DHX40: variants seen among roughly 807,000 people sequenced by gnomAD.
DHX40 encodes DEAH-box helicase 40, also known as probable ATP-dependent RNA helicase DHX40.
In DHX40, 28 loss-of-function variants were observed where a neutral mutation model predicts 89.6. That is an observed-to-expected ratio of 0.31 (90% CI 0.23 to 0.43). The LOEUF (loss-of-function observed/expected upper bound fraction) is 0.43, where lower values mean the gene tolerates loss of function less well. Ranked by LOEUF, DHX40 falls within the 20% of genes least tolerant of loss-of-function variation. The pLI is 1.00. For synonymous variants in DHX40, 226 were observed against 283.6 expected (o/e 0.80, Z 2.04); for missense variants, 457 against 844.0 (o/e 0.54, Z 5.68).
In DHX40 at chr17:59,596,291, G is replaced by A. The variant is rs1399896000; in HGVS notation, c.1583-2446G>A. Among the ~76,000 whole-genome samples, 3 of 152,284 alleles carry A rather than the reference G, an allele frequency of 2.0e-5. No homozygotes were observed. In the South Asian group the frequency reaches 6.2e-4, roughly 32 times the overall value. On this transcript the variant is annotated intron_variant, in intron 12 of 17. Transcript: ENST00000251241. ...GGTTAAAAATTAGTATCCCTGGCTG[G>A]CGTGTTGGCTCAAGCCTGTAATCCC...
intron 1 of DHX40, 29 bp downstream of exon 1, chr17:59,565,812 A>C (rs1297800488): frequency 9.0e-6 from 14 of 1,563,810 alleles, no homozygotes; most frequent in African/African-American, 2.7e-5. Context: ...TACGGAAGCC[A>C]GCGGGAGTTA....
At chr17:59,593,897 C>G (rs2049115256) in intron 12 of DHX40, among the ~76,000 whole-genome samples, 1 of 149,784 alleles carries the variant, frequency 6.7e-6, no homozygotes, top group Non-Finnish European at 1.5e-5. Flanking sequence ...GTTTCTTGTC[C>G]TTGTCAACTC....
At chr17:59,586,279 C>G (rs745547317) in intron 11 of DHX40, 46 bp downstream of exon 11, 2 of 1,377,534 alleles carry the variant, frequency 1.5e-6, no homozygotes, top group Non-Finnish European at 2.0e-6. Flanking sequence ...ATATTGATCT[C>G]TTTTTAAACA....
At chr17:59,600,254 C>T (rs1339160768) in intron 14 of DHX40, among the ~76,000 whole-genome samples, 2 of 151,876 alleles carry the variant, frequency 1.3e-5, no homozygotes, top group African/African-American at 4.8e-5. Context: ...TTCTTGGAAA[C>T]TGTGAGTTTA....
At chr17:59,597,944 A>C (rs577113209) in intron 12 of DHX40, among the ~76,000 whole-genome samples, 37 of 149,516 alleles carry the variant, frequency 2.5e-4, no homozygotes, top group African/African-American at 8.8e-4. Context: ...CAAAAAAAAA[A>C]AAAAAAAAAC....
At chr17:59,598,925 TTG>T in intron 13 of DHX40, 74 bp downstream of exon 13, 2 of 931,368 alleles carry the variant, frequency 2.1e-6, no homozygotes, top group Non-Finnish European at 3.5e-6. Context: ...ATGATGTGGC[TTG>T]TGACACTAAC....
intron 12 of DHX40, among the ~76,000 whole-genome samples, chr17:59,591,575 G>A (rs531833406): frequency 6.6e-6 from 1 of 150,674 alleles, no homozygotes; most frequent in African/African-American, 2.4e-5. Flanking sequence ...AATCAGTGTG[G>A]TGTTAGCCTT....
At chr17:59,591,699 C>T (rs1245715574) in intron 12 of DHX40, among the ~76,000 whole-genome samples, 2 of 151,580 alleles carry the variant, frequency 1.3e-5, no homozygotes, top group African/African-American at 4.8e-5. Flanking sequence ...TGCTTTATTA[C>T]TCTGTCTCCC....
chr17:59,577,196 A>G (rs570987689), intron 7 of DHX40, 70 bp from the exon 8 acceptor site: 49 of 1,289,612 alleles, frequency 3.8e-5, no homozygotes, highest in East Asian at 1.2e-4. Context: ...ATGAAAAATT[A>G]AGTTCTTCAA....
intron 10 of DHX40, among the ~76,000 whole-genome samples, chr17:59,580,785 G>A (rs2048935894): frequency 6.6e-6 from 1 of 151,120 alleles, no homozygotes; most frequent in Non-Finnish European, 1.5e-5. Flanking sequence ...GTGAGACCCT[G>A]TTTCAAAAGA....
rs2030943864 is a variant in DHX40 at position 59,607,585 on chromosome 17, G to A, written c.*413G>A. The stretch of plus-strand genomic sequence containing the variant: ...AAAATCTCTTTAAGGCCTTCTTGTT[G>A]CTGTTAGAATAGTGCTATATATCAG... On this transcript the variant is annotated 3_prime_UTR_variant, in exon 18 of 18. Transcript: ENST00000251241. The A allele has an allele frequency of 5.3e-6, 2 of 377,032 alleles. No homozygotes were observed. The highest frequency in any genetic ancestry group is 4.0e-5 in the African/African-American group (2 of 49,628). 23.4% of individuals were successfully genotyped at this position (377,032 alleles called of 1,614,324 possible).
At chr17:59,589,215 A>T (rs867129469) in intron 12 of DHX40, among the ~76,000 whole-genome samples, 102 of 89,286 alleles carry the variant, frequency 1.1e-3, no homozygotes, top group South Asian at 2.4e-3. Context: ...ACTTGCTGGG[A>T]TTTTTTTTTT....
intron 10 of DHX40, among the ~76,000 whole-genome samples, chr17:59,585,335 G>A (rs1306490597): frequency 7.2e-6 from 1 of 139,466 alleles, no homozygotes; most frequent in African/African-American, 2.8e-5. Context: ...AGGAGACGGA[G>A]GTTGTAGTGA....
intron 12 of DHX40, among the ~76,000 whole-genome samples, chr17:59,590,363 A>G (rs1442833914): frequency 1.3e-5 from 2 of 149,530 alleles, no homozygotes; most frequent in Admixed American, 1.3e-4. Flanking sequence ...GGTCCAGATT[A>G]ATTTATTATT....
At chr17:59,603,812 C>T (rs1036380800) in intron 15 of DHX40, 1 of 152,094 alleles carries the variant, frequency 6.6e-6, no homozygotes, top group Non-Finnish European at 1.5e-5. Flanking sequence ...AAATAAAAAT[C>T]ATGTTCTTCC....
chr17:59,588,229 A>AC (rs1254490987), intron 12 of DHX40, among the ~76,000 whole-genome samples, 176 bp downstream of exon 12: 1 of 139,102 alleles, frequency 7.2e-6, no homozygotes, highest in African/African-American at 3.4e-5. Context: ...TAAAAAAAAA[A>AC]AAAAAAAAAA....
intron 15 of DHX40, chr17:59,603,984 T>TCA (rs1567902082): frequency 2.0e-5 from 3 of 152,042 alleles, no homozygotes; most frequent in Non-Finnish European, 2.9e-5. Context: ...ATCATGAAAG[T>TCA]CAAAGACTGA....
At position 59,588,004 on chromosome 17, in the gene DHX40, A is replaced by G. The variant is rs746559751; in HGVS notation, c.1533A>G (p.Leu511=). 2.5e-6 allele frequency: 4 copies of G among 1,613,726 alleles called. No individual in the cohort carries two copies. Among genetic ancestry groups the G allele is most frequent in the South Asian group, 1.1e-5 (1 of 91,064 alleles). Residue 511 remains leucine, a synonymous_variant, in exon 12 of 18, where the codon CTA becomes CTG. Transcript: ENST00000251241. ...CTTCCCTGGATTGTGAAGATCTACT[A>G]CTTCCAATAGCAGCAATGTTGTCTG... ...KAASLDCEDL[L]LPIAAMLSVE...
Position 59,573,242 on chromosome 17 carries a change from AT to A in DHX40, c.546+11del, listed in dbSNP as rs1427395177. On this transcript the variant is annotated splice_region_variant and intron_variant, in intron 4 of 17. Coordinates refer to ENST00000251241, the MANE Select transcript of DHX40 (RefSeq NM_024612.5). Reference sequence around the variant, plus strand: ...TGAAAGAACTCTAACTACAGTGAGTATTTTAATTTATTATTATTTTTTTATT... The same window carrying A: ...TGAAAGAACTCTAACTACAGTGAGTATTTAATTTATTATTATTTTTTTATT... 1 of 1,584,848 alleles carries A rather than the reference AT, an allele frequency of 6.3e-7. No homozygotes were observed. Among genetic ancestry groups the A allele is most frequent in the East Asian group, 2.3e-5 (1 of 44,238 alleles).
Sources: gnomAD v4.1 joint callset for allele counts (sites outside exome capture counted in the v4.1 genomes callset) on GRCh38, gnomAD v4.1.1 for gene constraint, MANE v1.5 for transcripts, NCBI Gene and HGNC (gene_info 2026-07-23, HGNC 2026-07-21) for gene names.